TRPA1: variants seen among roughly 807,000 people sequenced by gnomAD.
TRPA1 encodes the protein ankyrin-like with transmembrane domains 1.
TRPA1 carries 129 observed loss-of-function variants against 131.3 expected under a neutral mutation model. The observed-to-expected ratio is 0.98, with a 90% CI of 0.85 to 1.14. The LOEUF (loss-of-function observed/expected upper bound fraction) is 1.14. TRPA1 is among the 50% of genes most tolerant of loss of function. The pLI, the probability that TRPA1 is intolerant of heterozygous loss-of-function variation, is 0.00. For synonymous variants in TRPA1, 441 were observed against 451.7 expected, an observed-to-expected ratio of 0.98 and a Z score of 0.30; for missense variants, 1,304 against 1,354.2, an observed-to-expected ratio of 0.96 and a Z score of 0.58.
Position 72,037,963 on chromosome 8 carries a change from A to T in TRPA1, c.2385+20T>A, listed in dbSNP as rs781386286. 3 of 1,439,238 alleles carry T rather than the reference A, an allele frequency of 2.1e-6. No individual in the cohort carries two copies. The highest frequency in any genetic ancestry group is 3.4e-5 in the Admixed American group (2 of 59,274). 89.2% of individuals were successfully genotyped at this position (1,439,238 alleles called of 1,614,324 possible). A position where few individuals can be genotyped will look rare whatever the true frequency, so the allele number is the denominator to read the frequency against. On this transcript the variant is annotated intron_variant, in intron 20 of 26. Coordinates refer to ENST00000262209, the MANE Select transcript of TRPA1 (RefSeq NM_007332.3). ...TATGAAAATATGTGCAACTTTAGAG[A>T]TACAAAATGTATTACATACCTGTTG...
Position 72,053,828 on chromosome 8 carries a change from C to T in TRPA1, c.1569G>A (p.Met523Ile). The change falls in exon 13 of 27, where the codon ATG (methionine) becomes ATA (isoleucine). Residue 523 changes from methionine (M) to isoleucine (I), a missense_variant. By Grantham distance (10) the Met-to-Ile change is conservative (BLOSUM62 1). Transcript: ENST00000262209. ...CCTTCATGGTCTGAGTGTACCCGCC[C>T]ATGGACGCATGATGCAAAGCTGTCC... Reference protein sequence around the residue: ...NGWTALHHASMGGYTQTMKVI... With the variant: ...NGWTALHHASIGGYTQTMKVI... 1 of 1,612,212 alleles carries T rather than the reference C, an allele frequency of 6.2e-7. No homozygotes were observed.
Position 72,034,243 on chromosome 8 carries a change from C to T in TRPA1, c.2685+5G>A. The T allele has an allele frequency of 6.2e-7, 1 of 1,606,018 alleles. No homozygotes were observed. The highest frequency in any genetic ancestry group is 8.5e-7 in the Non-Finnish European group (1 of 1,176,954). ...CAAAATCAACTACTGATGTAACTGTCTTACCTGTAAATTCAGGAGGATGTA... is the reference window on the plus strand; with the variant it reads ...CAAAATCAACTACTGATGTAACTGTTTTACCTGTAAATTCAGGAGGATGTA... On this transcript the variant is annotated splice_donor_5th_base_variant and intron_variant, in intron 22 of 26. Coordinates refer to ENST00000262209, the MANE Select transcript of TRPA1 (RefSeq NM_007332.3).
intron 1 of TRPA1, 69 bp downstream of exon 1, chr8:72,075,230 C>G (rs1356503172): frequency 8.0e-7 from 1 of 1,242,900 alleles, no homozygotes; most frequent in African/African-American, 1.5e-5. Flanking sequence ...GGGCTGCCCC[C>G]AAGGAAACCT....
chr8:72,063,009 T>C (rs1294653818), intron 5 of TRPA1, 65 bp from the exon 6 acceptor site: 18 of 1,457,650 alleles, frequency 1.2e-5, no homozygotes, highest in Non-Finnish European at 1.6e-5. Flanking sequence ...GGTTTTTTGT[T>C]AAAAAATATG....
intron 9 of TRPA1, 21 bp from the exon 10 acceptor site, chr8:72,057,038 A>G: frequency 3.3e-6 from 5 of 1,533,356 alleles, no homozygotes; most frequent in Non-Finnish European, 3.6e-6. Context: ...ACACTATGTA[A>G]ATATAAATTC....
intron 24 of TRPA1, 103 bp from the exon 25 acceptor site, chr8:72,026,176 C>T (rs1346594563): frequency 1.2e-5 from 11 of 908,332 alleles, no homozygotes; most frequent in Non-Finnish European, 1.4e-5. Context: ...AAACTGATTT[C>T]TATGTCCTGA....
At chr8:72,051,523 C>G (rs1011212795) in intron 14 of TRPA1, among the ~76,000 whole-genome samples, 1 of 152,028 alleles carries the variant, frequency 6.6e-6, no homozygotes, top group Non-Finnish European at 1.5e-5. Context: ...TCAGTAAAAC[C>G]CATCTAGTAT....
At chr8:72,029,819 A>G in intron 24 of TRPA1, 82 bp downstream of exon 24, 2 of 1,379,708 alleles carry the variant, frequency 1.4e-6, no homozygotes. Flanking sequence ...CAAAATGCCC[A>G]TTTTTGACTT....
intron 25 of TRPA1, among the ~76,000 whole-genome samples, chr8:72,025,121 TGTGTGTGTGTGTGTGC>T (rs138319066): frequency 0.14 from 20,862 of 151,692 alleles, 1,917 homozygotes; most frequent in East Asian, 0.36. Context: ...TGTGTGTGTG[TGTGTGTGTGTGTGTGC>T]GTGCTATGTT....
intron 23 of TRPA1, among the ~76,000 whole-genome samples, chr8:72,030,738 T>C (rs2129433051): frequency 6.6e-6 from 1 of 152,212 alleles, no homozygotes; most frequent in Non-Finnish European, 1.5e-5. Flanking sequence ...TGGAAACAAA[T>C]ACTAAACTGA....
chr8:72,051,705 G>A (rs765836977), intron 14 of TRPA1, among the ~76,000 whole-genome samples: 38 of 152,194 alleles, frequency 2.5e-4, no homozygotes, highest in Non-Finnish European at 4.3e-4. Context: ...CTGGGCCCTC[G>A]TGCATAACTA....
chr8:72,083,624 T>A, the TRPA1 span, among the ~76,000 whole-genome samples: 1 of 150,802 alleles, frequency 6.6e-6, no homozygotes, highest in Admixed American at 6.6e-5. Context: ...GCGTCTGTAG[T>A]CCCAGCTACT....
At chr8:72,048,875 G>T (rs117147070) in intron 15 of TRPA1, among the ~76,000 whole-genome samples, 4,379 of 152,158 alleles carry the variant, frequency 0.029, 89 homozygotes, top group Non-Finnish European at 0.046. Flanking sequence ...TGTTTACTAT[G>T]TTTCCACATG....
chr8:72,032,661 T>A (rs1339870410), intron 23 of TRPA1, among the ~76,000 whole-genome samples: 1 of 152,208 alleles, frequency 6.6e-6, no homozygotes, highest in East Asian at 1.9e-4. Context: ...TTCTGGATAA[T>A]TATCTTCCAA....
rs1585882495 is a variant in TRPA1, at chr8:72,061,732, A to G, written c.837T>C (p.Ala279=). The G allele has an allele frequency of 2.5e-6, 4 of 1,614,094 alleles. No individual in the cohort carries two copies. Among genetic ancestry groups the G allele is most frequent in the Middle Eastern group, 1.6e-4 (1 of 6,062 alleles). Reference sequence around the variant, plus strand: ...CAATCTCAGTGGCTCCCTGGGTGGCAGCAAAATGAATGGCTGTGCACCTTC... The same window carrying G: ...CAATCTCAGTGGCTCCCTGGGTGGCGGCAAAATGAATGGCTGTGCACCTTC... ...EKGRCTAIHF[A]ATQGATEIVK... Residue 279 remains alanine (A), a synonymous_variant, in exon 7 of 27, where the codon GCT becomes GCC. Coordinates refer to ENST00000262209, the MANE Select transcript of TRPA1 (RefSeq NM_007332.3).
chr8:72,036,005 C>CAAAAAA (rs58197251), intron 21 of TRPA1, among the ~76,000 whole-genome samples: 71 of 44,800 alleles, frequency 1.6e-3, no homozygotes, highest in East Asian at 4.3e-3. Flanking sequence ...TCCCCCTCCA[C>CAAAAAA]AAAAAAAAAA....
Position 72,054,316 on chromosome 8 carries a change from G to A in TRPA1, c.1530-449C>T, listed in dbSNP as rs1805605044. The A allele has an allele frequency of 2.1e-5, 4 of 195,066 alleles. No individual in the cohort carries two copies. In the South Asian group the frequency reaches 3.7e-4, roughly 18 times the overall value. 12.1% of individuals were successfully genotyped at this position (195,066 alleles called of 1,614,324 possible). On this transcript the variant is annotated intron_variant, in intron 12 of 26. Transcript: ENST00000262209. ...TTATTGGTAATACTACTAGTAATATGATACATGGCTATAAGATGCTTAGCT... is the reference window on the plus strand; with the variant it reads ...TTATTGGTAATACTACTAGTAATATAATACATGGCTATAAGATGCTTAGCT...
intron 9 of TRPA1, 114 bp downstream of exon 9, chr8:72,057,603 C>T (rs1458137211): frequency 2.4e-6 from 2 of 843,102 alleles, no homozygotes; most frequent in Non-Finnish European, 4.1e-6. Context: ...TGGCCCAGGG[C>T]CTGGCACACA....
At chr8:72,037,343 A>G (rs1225607573) in intron 20 of TRPA1, among the ~76,000 whole-genome samples, 4 of 152,156 alleles carry the variant, frequency 2.6e-5, no homozygotes, top group Admixed American at 6.5e-5. Flanking sequence ...CATATACAAA[A>G]AAATTATAAA....
Sources: gnomAD v4.1 joint callset for allele counts (sites outside exome capture counted in the v4.1 genomes callset) on GRCh38, gnomAD v4.1.1 for gene constraint, MANE v1.5 for transcripts, NCBI Gene and HGNC (gene_info 2026-07-23, HGNC 2026-07-21) for gene names.